SLC35F2: variants seen among roughly 807,000 people sequenced by gnomAD.
The protein encoded by SLC35F2 is solute carrier family 35 member F2.
In SLC35F2, 25 loss-of-function variants were observed where a neutral mutation model predicts 38.1. That is an observed-to-expected ratio of 0.66 (90% CI 0.48 to 0.92). The LOEUF (loss-of-function observed/expected upper bound fraction) is 0.92, where lower values mean the gene tolerates loss of function less well. Among genes scored for constraint, SLC35F2 ranks in the 40% least tolerant of loss-of-function variants. SLC35F2 has a pLI of 0.00. For synonymous variants in SLC35F2, 173 were observed against 181.7 expected (o/e 0.95, Z 0.38); for missense variants, 409 against 452.9 (o/e 0.90, Z 0.88).
At chr11:107,810,303 G>A in intron 3 of SLC35F2, 1 of 985,370 alleles carries the variant, frequency 1.0e-6, no homozygotes, top group South Asian at 4.7e-5. Context: ...CTTTGAAATT[G>A]AAAGAAGGCA....
At chr11:107,814,060 G>T (rs1859523835) in intron 2 of SLC35F2, among the ~76,000 whole-genome samples, 1 of 152,086 alleles carries the variant, frequency 6.6e-6, no homozygotes, top group Admixed American at 6.6e-5. Context: ...TTGTTCACTG[G>T]ATTCACTAAC....
intron 1 of SLC35F2, among the ~76,000 whole-genome samples, chr11:107,819,138 T>G (rs1288248692): frequency 6.6e-6 from 1 of 152,206 alleles, no homozygotes; most frequent in Admixed American, 6.5e-5. Context: ...ATAATGACTT[T>G]CTATTTCTAT....
rs1156246867 is a variant in SLC35F2, at chr11:107,841,788, A to G, written c.110+16870T>C. Among the ~76,000 whole-genome samples the G allele has an allele frequency of 1.3e-5, 2 of 152,132 alleles. 1 individual carries two copies. Among genetic ancestry groups the G allele is most frequent in the African/African-American group, 4.8e-5 (2 of 41,420 alleles). The stretch of plus-strand genomic sequence containing the variant: ...GAAGTTCAAAACCAGCCTAGCCAAC[A>G]TGGCAAAACCCTGTCTCTACTAAAA... On this transcript the variant is annotated intron_variant, in intron 1 of 7. Coordinates refer to ENST00000525815, the MANE Select transcript of SLC35F2 (RefSeq NM_017515.5).
intron 4 of SLC35F2, 31 bp downstream of exon 4, chr11:107,806,686 A>T: frequency 6.2e-7 from 1 of 1,610,580 alleles, no homozygotes; most frequent in Non-Finnish European, 8.5e-7. Flanking sequence ...ATTTGCTGTG[A>T]TTGAAGCACA....
intron 1 of SLC35F2, among the ~76,000 whole-genome samples, chr11:107,846,929 C>CAAAA (rs34711328): frequency 2.9e-5 from 4 of 136,794 alleles, no homozygotes; most frequent in African/African-American, 1.1e-4. Context: ...GACTCTGTCT[C>CAAAA]AAAAAAAAAA....
Position 107,855,319 on chromosome 11 carries a change from T to C in SLC35F2, c.110+3339A>G, listed in dbSNP as rs7113876. On this transcript the variant is annotated intron_variant, in intron 1 of 7. Coordinates refer to ENST00000525815, the MANE Select transcript of SLC35F2 (RefSeq NM_017515.5). Reference sequence around the variant, plus strand: ...TTCATTCATGTGCTAAGGGTTGTGGTAGATATAAAAAAGAAAAAGACACCA... The same window carrying C: ...TTCATTCATGTGCTAAGGGTTGTGGCAGATATAAAAAAGAAAAAGACACCA... 6.8e-3 allele frequency among the ~76,000 whole-genome samples: 1,036 copies of C among 152,076 alleles called. 13 individuals carry two copies. Among genetic ancestry groups the C allele is most frequent in the African/African-American group, 0.024 (1,000 of 41,476 alleles).
intron 1 of SLC35F2, among the ~76,000 whole-genome samples, chr11:107,857,177 C>A (rs755534279): frequency 9.4e-5 from 11 of 117,192 alleles, no homozygotes; most frequent in Non-Finnish European, 1.7e-4. Context: ...AGTTAAGTGA[C>A]TTGTCCAAGA....
chr11:107,807,895 A>G (rs1167646581), intron 3 of SLC35F2, among the ~76,000 whole-genome samples: 1 of 152,148 alleles, frequency 6.6e-6, no homozygotes, highest in Non-Finnish European at 1.5e-5. Flanking sequence ...CTTTAAGTTC[A>G]GTAGACAAAC....
At position 107,858,780 on chromosome 11, in the gene SLC35F2, G is replaced by C; in HGVS notation, c.-13C>G. On this transcript the variant is annotated 5_prime_UTR_variant, in exon 1 of 8. Transcript: ENST00000525815. ...AGTCTGCCTCCATCGGCGCCCTTGC[G>C]CGTCTCCGGCGCCCAAAACCCCCGA... 2 of 1,252,538 alleles carry C rather than the reference G, an allele frequency of 1.6e-6. No individual in the cohort carries two copies. The highest frequency in any genetic ancestry group is 2.0e-6 in the Non-Finnish European group (2 of 990,618). The allele number at this position is 1,252,538 out of a possible 1,614,324, so 77.6% of individuals were successfully genotyped here.
At chr11:107,838,200 G>A (rs1183891466) in intron 1 of SLC35F2, among the ~76,000 whole-genome samples, 1 of 152,078 alleles carries the variant, frequency 6.6e-6, no homozygotes, top group African/African-American at 2.4e-5. Context: ...CTGTTACACT[G>A]CAAGTACACT....
chr11:107,845,949 T>TAATA (rs1860098619), intron 1 of SLC35F2, among the ~76,000 whole-genome samples: 1 of 96,772 alleles, frequency 1.0e-5, no homozygotes, highest in African/African-American at 4.1e-5. Flanking sequence ...TGAGATTCTG[T>TAATA]CATAAATAAA....
chr11:107,835,800 C>T (rs1331160822), intron 1 of SLC35F2, among the ~76,000 whole-genome samples: 1 of 152,156 alleles, frequency 6.6e-6, no homozygotes, highest in Non-Finnish European at 1.5e-5. Context: ...AACGGAGCCC[C>T]TGTCCTCATG....
intron 1 of SLC35F2, among the ~76,000 whole-genome samples, chr11:107,848,864 G>A (rs1039119626): frequency 2.6e-5 from 4 of 152,094 alleles, no homozygotes; most frequent in Admixed American, 6.6e-5. Context: ...GAGCTCCTCC[G>A]GTTTGCAAAC....
intron 2 of SLC35F2, 58 bp from the exon 3 acceptor site, chr11:107,811,852 G>A: frequency 3.4e-6 from 5 of 1,454,752 alleles, no homozygotes; most frequent in Non-Finnish European, 4.7e-6. Context: ...CATACATGTT[G>A]ATTTGAAGAT....
At chr11:107,833,225 T>TA (rs1859876978) in intron 1 of SLC35F2, among the ~76,000 whole-genome samples, 1 of 152,078 alleles carries the variant, frequency 6.6e-6, no homozygotes, top group African/African-American at 2.4e-5. Context: ...AAACTGAAGC[T>TA]AAGAGAGTTG....
rs187865628 is a variant in SLC35F2 at position 107,832,114 on chromosome 11, A to G, written c.111-16149T>C. On this transcript the variant is annotated intron_variant, in intron 1 of 7. Transcript: ENST00000525815. ...ACTAAAGGATGGGGTGGGTGAGCTA[A>G]TTTTGCAGTATTCTATAACAATACA... Among the ~76,000 whole-genome samples the G allele has an allele frequency of 7.2e-5, 11 of 152,256 alleles. No individual in the cohort carries two copies. The East Asian group carries it at 2.1e-3, about 29-fold the overall frequency.
chr11:107,851,235 C>G (rs1591211924), intron 1 of SLC35F2, among the ~76,000 whole-genome samples: 2 of 151,214 alleles, frequency 1.3e-5, no homozygotes, highest in African/African-American at 4.9e-5. Context: ...TGTACTCTAG[C>G]CGGGGCAACA....
In SLC35F2 at chr11:107,833,518, C is replaced by CAAAAAAAAAAAAAAAAAAA. The variant is rs34376803; in HGVS notation, c.111-17572_111-17554dup. ...TGGGCATCAGAGTGAGACTCTGTCT[C>CAAAAAAAAAAAAAAAAAAA]AAAAAAAAAAAAAAAAAAAGGAGAG... On this transcript the variant is annotated intron_variant, in intron 1 of 7. Transcript: ENST00000525815. Among the ~76,000 whole-genome samples the CAAAAAAAAAAAAAAAAAAA allele has an allele frequency of 2.6e-3, 231 of 89,486 alleles. 3 individuals are homozygous for CAAAAAAAAAAAAAAAAAAA. Among genetic ancestry groups the CAAAAAAAAAAAAAAAAAAA allele is most frequent in the Middle Eastern group, 5.3e-3 (1 of 188 alleles). 58.7% of individuals were successfully genotyped at this position (89,486 alleles called of 152,430 possible). A position where few individuals can be genotyped will look rare whatever the true frequency, so the allele number is the denominator to read the frequency against.
intron 1 of SLC35F2, among the ~76,000 whole-genome samples, chr11:107,836,373 T>C (rs1859932521): frequency 6.6e-6 from 1 of 152,016 alleles, no homozygotes; most frequent in African/African-American, 2.4e-5. Flanking sequence ...TTCTGGGTTC[T>C]ACCACTAAAT....
Sources: allele counts gnomAD v4.1 joint callset (sites outside exome capture counted in the v4.1 genomes callset), GRCh38; gene constraint gnomAD v4.1.1; transcripts MANE v1.5; gene names NCBI Gene and HGNC (gene_info 2026-07-23, HGNC 2026-07-21).